Variants in FBRSL1 observed in about 807,000 individuals in gnomAD.
FBRSL1 encodes the protein fibrosin-1-like protein.
FBRSL1 carries 51 observed loss-of-function variants against 89.6 expected under a neutral mutation model. The ratio of observed to expected loss-of-function variants is 0.57; its 90% CI spans 0.45 to 0.72. The LOEUF is 0.72. Among genes scored for constraint, FBRSL1 ranks in the 30% least tolerant of loss-of-function variants. FBRSL1 has a pLI of 0.00. For missense variants in FBRSL1, 1,618 were observed against 1,451.8 expected (o/e 1.11, Z -1.86); for synonymous variants, 779 against 681.1 (o/e 1.14, Z -2.24).
chr12:132,550,839 G>A (rs1489996060), intron 5 of FBRSL1: 3 of 155,860 alleles, frequency 1.9e-5, no homozygotes, highest in South Asian at 3.9e-4. Flanking sequence ...CTGAGTTTGG[G>A]AGAGTTGGGA....
rs149800234 is a variant in FBRSL1 at position 132,510,251 on chromosome 12, G to A, written c.489+1901G>A. 0.012 allele frequency: 14,650 copies of A among 1,231,758 alleles called. 103 individuals are homozygous for A. The highest frequency in any genetic ancestry group is 0.013 in the Non-Finnish European group (12,448 of 987,898). The allele number at this position is 1,231,758 out of a possible 1,614,324, so 76.3% of individuals were successfully genotyped here. A position where few individuals can be genotyped will look rare whatever the true frequency, so the allele number is the denominator to read the frequency against. ...ATCGCCCTTCACTCCTGGGGCAGCC[G>A]GGCCCACCCTGCCGGCCTCTCCTGG... On this transcript the variant is annotated intron_variant, in intron 2 of 18. Transcript: ENST00000680143.
chr12:132,515,421 C>T (rs1385959903), intron 2 of FBRSL1, among the ~76,000 whole-genome samples: 1 of 151,648 alleles, frequency 6.6e-6, no homozygotes, highest in African/African-American at 2.4e-5. Context: ...AGGAATACTA[C>T]GTCAAAATTT....
intron 5 of FBRSL1, among the ~76,000 whole-genome samples, chr12:132,549,798 A>C (rs2037996080): frequency 6.6e-6 from 1 of 152,142 alleles, no homozygotes; most frequent in Non-Finnish European, 1.5e-5. Context: ...TCCGAGACCC[A>C]AACGATGTCT....
rs775736494 is a variant in FBRSL1 at position 132,569,994 on chromosome 12, C to A, written c.760C>A (p.Arg254Ser). 2 of 1,501,318 alleles carry A rather than the reference C, an allele frequency of 1.3e-6. 1 individual carries two copies. Among genetic ancestry groups the A allele is most frequent in the East Asian group, 5.2e-5 (2 of 38,412 alleles). The allele number at this position is 1,501,318 out of a possible 1,614,324, so 93.0% of individuals were successfully genotyped here. Residue 254 changes from arginine to serine, a missense_variant, in exon 7 of 19, where the codon CGC (arginine) becomes AGC (serine). By Grantham distance (110) the Arg-to-Ser change is moderately radical. Transcript: ENST00000680143. Reference sequence around the variant, plus strand: ...CAAGGTGTCAGGCCTGGAGCGCAGCCGCGAGCTCAGCGCCGAGAGCTTCCT... The same window carrying A: ...CAAGGTGTCAGGCCTGGAGCGCAGCAGCGAGCTCAGCGCCGAGAGCTTCCT... ...VPKVSGLERS[R>S]ELSAESFLPT...
chr12:132,550,587 C>G (rs572607700), intron 5 of FBRSL1: 1 of 152,364 alleles, frequency 6.6e-6, no homozygotes, highest in Admixed American at 6.5e-5. Context: ...GGGGCATGCT[C>G]TGAGGGGTGT....
intron 1 of FBRSL1, chr12:132,507,156 T>G (rs2033789107): frequency 1.0e-6 from 1 of 979,662 alleles, no homozygotes; most frequent in Non-Finnish European, 1.2e-6. Context: ...TGGCCCTCCG[T>G]GGGGGCGGAT....
Position 132,570,090 on chromosome 12 carries a change from T to C in FBRSL1, c.856T>C (p.Leu286=), listed in dbSNP as rs1450975507. The C allele has an allele frequency of 2.7e-6, 4 of 1,485,310 alleles. No homozygotes were observed. Among genetic ancestry groups the C allele is most frequent in the Non-Finnish European group, 3.6e-6 (4 of 1,125,298 alleles). 92.0% of individuals were successfully genotyped at this position (1,485,310 alleles called of 1,614,324 possible). A position where few individuals can be genotyped will look rare whatever the true frequency, so the allele number is the denominator to read the frequency against. Residue 286 remains leucine (L), a synonymous_variant, in exon 7 of 19, where the codon TTG becomes CTG. Transcript: ENST00000680143. Reference sequence around the variant, plus strand: ...CCCGCCCGGCTCCCGCGCCAATCCCTTGGTGAAGAAGGAACCCCCCGCCCC... The same window carrying C: ...CCCGCCCGGCTCCCGCGCCAATCCCCTGGTGAAGAAGGAACCCCCCGCCCC... The part of the protein sequence containing the change: ...GPPPGSRANP[L]VKKEPPAPHR...
At chr12:132,530,050 G>A (rs555618610) in intron 4 of FBRSL1, among the ~76,000 whole-genome samples, 60 of 151,466 alleles carry the variant, frequency 4.0e-4, no homozygotes, top group Non-Finnish European at 7.4e-4. Flanking sequence ...CCTTCCCATT[G>A]TCATGAGTAT....
At position 132,581,424 on chromosome 12, in the gene FBRSL1, G is replaced by C. The variant is rs1254727007; in HGVS notation, c.1835-15G>C. On this transcript the variant is annotated splice_polypyrimidine_tract_variant and intron_variant, in intron 15 of 18. Transcript: ENST00000680143. ...CTCTCTCCTGGCTTCTGTCAAACCT[G>C]GCTGCCCCCCCCAGGTGCCGCCCAT... The C allele has an allele frequency of 1.3e-6, 2 of 1,550,834 alleles. No individual in the cohort carries two copies. Among genetic ancestry groups the C allele is most frequent in the Non-Finnish European group, 1.7e-6 (2 of 1,146,896 alleles).
In FBRSL1 at chr12:132,507,209, A is replaced by T. The variant is rs889259379; in HGVS notation, c.292-944A>T. On this transcript the variant is annotated intron_variant, in intron 1 of 18. Transcript: ENST00000680143. ...CAGGGTTCTTGGCAGCAGCTCTGAC[A>T]TGGGTTCTGTCCTGGGCTTCACTGC... 62 of 985,396 alleles carry T rather than the reference A, an allele frequency of 6.3e-5. 3 individuals are homozygous for T. Among genetic ancestry groups the T allele is most frequent in the Non-Finnish European group, 2.4e-6 (2 of 830,054 alleles). The allele number at this position is 985,396 out of a possible 1,614,324, so 61.0% of individuals were successfully genotyped here.
intron 9 of FBRSL1, chr12:132,571,656 C>G: frequency 1.6e-6 from 1 of 607,490 alleles, no homozygotes; most frequent in Non-Finnish European, 2.4e-6. Context: ...ACCTCTCTGT[C>G]GTCTGTCCGG....
At chr12:132,551,662 C>T (rs866911975) in intron 5 of FBRSL1, 5 of 443,678 alleles carry the variant, frequency 1.1e-5, no homozygotes, top group African/African-American at 4.0e-5. Context: ...CCCTCCTCCA[C>T]GTGAACAGAC....
chr12:132,510,133 C>T (rs1298847864), intron 2 of FBRSL1: 33 of 1,225,118 alleles, frequency 2.7e-5, no homozygotes, highest in Admixed American at 4.2e-5. Flanking sequence ...CCCAAGCGGC[C>T]GCTCATGGGC....
intron 4 of FBRSL1, among the ~76,000 whole-genome samples, chr12:132,530,618 G>A (rs2036179102): frequency 6.6e-6 from 1 of 151,816 alleles, no homozygotes; most frequent in Non-Finnish European, 1.5e-5. Flanking sequence ...TCTCCCCAGA[G>A]CACTCTGTGT....
At position 132,564,861 on chromosome 12, in the gene FBRSL1, C is replaced by A. The variant is rs901883095; in HGVS notation, c.646-2620C>A. Reference sequence around the variant, plus strand: ...GGCCAGGATGGTCTCGATCTGCTGACCTCGTGATCCGCCGGCCTCGGCCTC... The same window carrying A: ...GGCCAGGATGGTCTCGATCTGCTGAACTCGTGATCCGCCGGCCTCGGCCTC... On this transcript the variant is annotated intron_variant, in intron 5 of 18. Coordinates refer to ENST00000680143, the MANE Select transcript of FBRSL1 (RefSeq NM_001367871.1). Among the ~76,000 whole-genome samples the A allele has an allele frequency of 2.6e-5, 4 of 151,736 alleles. No homozygotes were observed. The South Asian group carries it at 8.3e-4, about 31-fold the overall frequency.
intron 5 of FBRSL1, among the ~76,000 whole-genome samples, chr12:132,564,645 G>A (rs1025059936): frequency 2.4e-5 from 3 of 122,668 alleles, no homozygotes; most frequent in African/African-American, 3.3e-5. Context: ...ACAGGCGCCC[G>A]CCACCACGCC....
intron 6 of FBRSL1, among the ~76,000 whole-genome samples, chr12:132,567,809 C>A (rs193248205): frequency 6.6e-6 from 1 of 152,152 alleles, no homozygotes; most frequent in Non-Finnish European, 1.5e-5. Context: ...TCCCCAGGTT[C>A]GTGGGGTCAG....
intron 4 of FBRSL1, among the ~76,000 whole-genome samples, chr12:132,529,303 C>T (rs1277410037): frequency 1.3e-5 from 2 of 152,226 alleles, no homozygotes; most frequent in African/African-American, 4.8e-5. Flanking sequence ...GTCTCTGTCC[C>T]ACAGCTTCTG....
At chr12:132,510,360 C>T in intron 2 of FBRSL1, 1 of 1,231,796 alleles carries the variant, frequency 8.1e-7, no homozygotes, top group Non-Finnish European at 1.0e-6. Flanking sequence ...CCTGGGCCAT[C>T]CCTGCCGGCC....
Sources: allele counts gnomAD v4.1 joint callset (sites outside exome capture counted in the v4.1 genomes callset), GRCh38; gene constraint gnomAD v4.1.1; transcripts MANE v1.5; gene names NCBI Gene and HGNC (gene_info 2026-07-23, HGNC 2026-07-21).